UNC5D: variants seen among roughly 807,000 people sequenced by gnomAD.
UNC5D encodes netrin receptor UNC5D.
A neutral mutation model predicts 105.4 loss-of-function variants in UNC5D; 39 were observed. The observed-to-expected ratio is 0.37, with a 90% CI of 0.29 to 0.48. The LOEUF (loss-of-function observed/expected upper bound fraction) is 0.48. Ranked by LOEUF, UNC5D falls within the 20% of genes least tolerant of loss-of-function variation. The probability of loss-of-function intolerance (pLI) is 0.98; values close to 1 mark genes in which losing one functional copy is unlikely to be tolerated. For synonymous variants in UNC5D, 452 were observed against 450.4 expected, an observed-to-expected ratio of 1.00 and a Z score of -0.04; for missense variants, 991 against 1,202.4, an observed-to-expected ratio of 0.82 and a Z score of 2.60.
At chr8:35,293,276 T>C (rs1341745793) in intron 1 of UNC5D, among the ~76,000 whole-genome samples, 1 of 152,162 alleles carries the variant, frequency 6.6e-6, no homozygotes, top group Admixed American at 6.5e-5. Context: ...ATTTTTGCTT[T>C]TTTATTTCCT....
chr8:35,511,758 C>CA (rs1812724959), intron 1 of UNC5D, among the ~76,000 whole-genome samples: 2 of 151,694 alleles, frequency 1.3e-5, no homozygotes, highest in Non-Finnish European at 2.9e-5. Flanking sequence ...AAAAAACCCT[C>CA]AAAGTTTTAA....
chr8:35,465,711 A>G (rs139059983), intron 1 of UNC5D, among the ~76,000 whole-genome samples: 232 of 152,290 alleles, frequency 1.5e-3, no homozygotes, highest in African/African-American at 5.4e-3. Flanking sequence ...ACCTGTGAAT[A>G]TGTTAGGTTA....
At chr8:35,429,502 T>C (rs1033849673) in intron 1 of UNC5D, among the ~76,000 whole-genome samples, 3 of 152,196 alleles carry the variant, frequency 2.0e-5, no homozygotes, top group African/African-American at 7.2e-5. Context: ...AGAGCATAAG[T>C]ATACAAACTT....
At chr8:35,654,446 A>G (rs1823609141) in intron 4 of UNC5D, among the ~76,000 whole-genome samples, 1 of 151,908 alleles carries the variant, frequency 6.6e-6, no homozygotes, top group Admixed American at 6.6e-5. Flanking sequence ...CTTCCACTCT[A>G]CCTGAGTTCA....
chr8:35,615,794 G>A (rs1035103152), intron 4 of UNC5D, among the ~76,000 whole-genome samples: 6 of 151,976 alleles, frequency 3.9e-5, no homozygotes, highest in African/African-American at 1.5e-4. Context: ...ATAACATAAA[G>A]GCATCTAAAA....
At chr8:35,757,588 C>G (rs1209068863) in intron 13 of UNC5D, among the ~76,000 whole-genome samples, 2 of 152,128 alleles carry the variant, frequency 1.3e-5, no homozygotes, top group Non-Finnish European at 2.9e-5. Context: ...GTAATAGATA[C>G]TATATTAGAA....
At position 35,271,721 on chromosome 8, in the gene UNC5D, GTATACATGTATACATATATATT is replaced by G. The variant is rs1373002462; in HGVS notation, c.103+35850_103+35871del. ...CATGTATACATATATATTTATACAT[GTATACATGTATACATATATATT>G]TATACATGTATACATGTATACATAT... On this transcript the variant is annotated intron_variant, in intron 1 of 16. Coordinates refer to ENST00000404895, the MANE Select transcript of UNC5D (RefSeq NM_080872.4). Among the ~76,000 whole-genome samples, 126 of 118,438 alleles carry G rather than the reference GTATACATGTATACATATATATT, an allele frequency of 1.1e-3. 6 individuals are homozygous for G. Among genetic ancestry groups the G allele is most frequent in the African/African-American group, 2.8e-3 (81 of 29,278 alleles). 77.7% of individuals were successfully genotyped at this position (118,438 alleles called of 152,430 possible).
intron 11 of UNC5D, among the ~76,000 whole-genome samples, chr8:35,738,348 G>A (rs1408887483): frequency 6.6e-6 from 1 of 152,130 alleles, no homozygotes; most frequent in East Asian, 1.9e-4. Flanking sequence ...GAGAAGTCTG[G>A]TGCAAACTGT....
At chr8:35,633,300 C>T (rs890691317) in intron 4 of UNC5D, among the ~76,000 whole-genome samples, 32 of 152,332 alleles carry the variant, frequency 2.1e-4, no homozygotes, top group African/African-American at 6.7e-4. Flanking sequence ...TAAATACTCC[C>T]TTGGAGGTGT....
At chr8:35,739,938 C>A (rs1357665153) in intron 11 of UNC5D, among the ~76,000 whole-genome samples, 1 of 152,168 alleles carries the variant, frequency 6.6e-6, no homozygotes, top group Admixed American at 6.5e-5. Context: ...TATAATCTTT[C>A]TTTAAATTAA....
chr8:35,715,858 C>G (rs1350083275), intron 8 of UNC5D, among the ~76,000 whole-genome samples: 1 of 151,360 alleles, frequency 6.6e-6, no homozygotes, highest in Non-Finnish European at 1.5e-5. Flanking sequence ...GGGGAGTGAA[C>G]TCACATAGGA....
intron 4 of UNC5D, among the ~76,000 whole-genome samples, chr8:35,620,826 T>C (rs1431179492): frequency 6.6e-6 from 1 of 152,188 alleles, no homozygotes; most frequent in Non-Finnish European, 1.5e-5. Flanking sequence ...CCTAAGGCAA[T>C]TAAGGGCAGC....
At chr8:35,552,977 A>G (rs1314111693) in intron 2 of UNC5D, among the ~76,000 whole-genome samples, 3 of 152,314 alleles carry the variant, frequency 2.0e-5, no homozygotes, top group Middle Eastern at 3.4e-3. Context: ...GGACTCAAAT[A>G]CCAGTGGCTC....
At chr8:35,642,766 GA>G (rs1387734514) in intron 4 of UNC5D, among the ~76,000 whole-genome samples, 3 of 152,130 alleles carry the variant, frequency 2.0e-5, no homozygotes, top group Non-Finnish European at 4.4e-5. Context: ...GCCCGGTACA[GA>G]TTTAATTTTG....
chr8:35,679,922 C>T (rs958953266), intron 4 of UNC5D, among the ~76,000 whole-genome samples: 1 of 152,154 alleles, frequency 6.6e-6, no homozygotes, highest in Non-Finnish European at 1.5e-5. Flanking sequence ...GTGGGGACTC[C>T]CTGCAGAGTC....
intron 4 of UNC5D, among the ~76,000 whole-genome samples, chr8:35,651,220 G>A (rs79907482): frequency 0.012 from 1,890 of 152,262 alleles, 52 homozygotes; most frequent in African/African-American, 0.044. Flanking sequence ...ATGTGAATAC[G>A]GCAGAAATTC....
intron 1 of UNC5D, chr8:35,525,714 CACG>C: frequency 6.3e-7 from 1 of 1,593,482 alleles, no homozygotes; most frequent in East Asian, 2.3e-5. Context: ...GCACGTCCGG[CACG>C]ACACCTGGCT....
intron 1 of UNC5D, among the ~76,000 whole-genome samples, chr8:35,437,537 C>T (rs186993332): frequency 3.3e-5 from 5 of 152,100 alleles, no homozygotes; most frequent in East Asian, 3.9e-4. Context: ...TGCTAATATC[C>T]GTCCCAGGAT....
chr8:35,522,240 A>T (rs1813536099), intron 1 of UNC5D, among the ~76,000 whole-genome samples: 1 of 152,124 alleles, frequency 6.6e-6, no homozygotes, highest in South Asian at 2.1e-4. Context: ...TCATCCTTGG[A>T]TGTCTAAAAT....
Sources: gnomAD v4.1 joint callset for allele counts (sites outside exome capture counted in the v4.1 genomes callset) on GRCh38, gnomAD v4.1.1 for gene constraint, MANE v1.5 for transcripts, NCBI Gene and HGNC (gene_info 2026-07-23, HGNC 2026-07-21) for gene names.